HPCAL1: variants seen among roughly 807,000 people sequenced by gnomAD.
HPCAL1 encodes the protein hippocalcin like 1.
HPCAL1 carries 8 observed loss-of-function variants against 17.1 expected under a neutral mutation model. That is an observed-to-expected ratio of 0.47 (90% CI 0.27 to 0.84). The LOEUF (loss-of-function observed/expected upper bound fraction) is 0.84, where lower values mean the gene tolerates loss of function less well. Ranked by LOEUF, HPCAL1 falls within the 40% of genes least tolerant of loss-of-function variation. HPCAL1 has a pLI of 0.13. For missense variants in HPCAL1, 165 were observed against 271.1 expected (o/e 0.61, Z 2.75); for synonymous variants, 112 against 111.4 (o/e 1.01, Z -0.03).
Position 10,367,293 on chromosome 2 carries a change from G to A in HPCAL1, c.-110-29542G>A, listed in dbSNP as rs1233746358. On this transcript the variant is annotated intron_variant, in intron 1 of 4. Coordinates refer to ENST00000307845, the MANE Select transcript of HPCAL1 (RefSeq NM_002149.4). The surrounding 1 kb of genome is among the most constrained non-coding windows in gnomAD (Gnocchi z 4.4). ...AAGGGGGGATTTTGTTGCTGTCGTT[G>A]TTGTTGTTGTTTTGAGACAGAGTCT... Among the ~76,000 whole-genome samples, 3 of 151,742 alleles carry A rather than the reference G, an allele frequency of 2.0e-5. No homozygotes were observed. Among genetic ancestry groups the A allele is most frequent in the South Asian group, 2.1e-4 (1 of 4,818 alleles).
chr2:10,397,883 G>T (rs926175050), intron 2 of HPCAL1, among the ~76,000 whole-genome samples: 7 of 152,198 alleles, frequency 4.6e-5, no homozygotes, highest in African/African-American at 1.7e-4. Flanking sequence ...GTGTAATTCT[G>T]GCTGTGCCTC....
chr2:10,409,382 G>A (rs1005742976), intron 2 of HPCAL1, among the ~76,000 whole-genome samples: 2 of 152,156 alleles, frequency 1.3e-5, no homozygotes, highest in Admixed American at 1.3e-4. Flanking sequence ...CCTGGCAGCC[G>A]GCACAGCCTC....
chr2:10,389,601 C>A (rs946392688), intron 1 of HPCAL1, among the ~76,000 whole-genome samples: 5 of 152,214 alleles, frequency 3.3e-5, no homozygotes, highest in Non-Finnish European at 5.9e-5. Flanking sequence ...ATTGAAGCCA[C>A]CCAGTCTATG....
chr2:10,425,557 G>A (rs1055986802), intron 4 of HPCAL1: 3 of 152,304 alleles, frequency 2.0e-5, no homozygotes, highest in African/African-American at 7.2e-5. Flanking sequence ...TCCTGGTGCT[G>A]GTCTGAGTCC....
intron 1 of HPCAL1, among the ~76,000 whole-genome samples, chr2:10,373,618 A>G (rs185777258): frequency 2.0e-5 from 3 of 152,020 alleles, no homozygotes; most frequent in Admixed American, 6.6e-5. Context: ...TTCTAAGGCA[A>G]GGATGAAAGT....
At chr2:10,334,153 C>T (rs140900918) in intron 1 of HPCAL1, among the ~76,000 whole-genome samples, 320 of 152,284 alleles carry the variant, frequency 2.1e-3, no homozygotes, top group South Asian at 9.7e-3. Flanking sequence ...TGTGCGTAAC[C>T]TTAAACAAAA....
At chr2:10,372,872 G>C (rs1376238265) in intron 1 of HPCAL1, among the ~76,000 whole-genome samples, 1 of 152,240 alleles carries the variant, frequency 6.6e-6, no homozygotes, top group Non-Finnish European at 1.5e-5. Context: ...AGGTGGCCAG[G>C]CTCTGGGTCC....
intron 2 of HPCAL1, among the ~76,000 whole-genome samples, chr2:10,403,149 G>T (rs1395360372): frequency 6.6e-6 from 1 of 152,216 alleles, no homozygotes. Context: ...GCTGAACAAG[G>T]TCCCGGGGAG....
intron 1 of HPCAL1, among the ~76,000 whole-genome samples, chr2:10,378,551 T>A (rs975684582): frequency 6.6e-6 from 1 of 152,138 alleles, no homozygotes; most frequent in African/African-American, 2.4e-5. Flanking sequence ...TCCTGTGGAA[T>A]GAGAGCAAAC....
At chr2:10,334,533 CA>C (rs1664594054) in intron 1 of HPCAL1, among the ~76,000 whole-genome samples, 1 of 150,380 alleles carries the variant, frequency 6.6e-6, no homozygotes. Flanking sequence ...GAAAAGAAAA[CA>C]GAAAGAAATA....
At chr2:10,349,905 C>G (rs976736283) in intron 1 of HPCAL1, among the ~76,000 whole-genome samples, 3 of 151,924 alleles carry the variant, frequency 2.0e-5, no homozygotes, top group African/African-American at 7.3e-5. Flanking sequence ...ACTGTTAATG[C>G]ATTTTCTGAG....
intron 1 of HPCAL1, among the ~76,000 whole-genome samples, chr2:10,319,498 G>A (rs117883723): frequency 0.028 from 4,016 of 144,922 alleles, 76 homozygotes; most frequent in East Asian, 0.11. Context: ...TCAGAGCATC[G>A]ATTTAGCAAG....
At chr2:10,348,477 C>T (rs989507780) in intron 1 of HPCAL1, among the ~76,000 whole-genome samples, 2 of 151,590 alleles carry the variant, frequency 1.3e-5, no homozygotes, top group African/African-American at 2.4e-5. Flanking sequence ...ACAGAAAAAA[C>T]TCTGGGCCAG....
At chr2:10,372,223 T>C (rs1421411284) in intron 1 of HPCAL1, among the ~76,000 whole-genome samples, 3 of 152,150 alleles carry the variant, frequency 2.0e-5, no homozygotes, top group Non-Finnish European at 4.4e-5. Context: ...TCCTGAGCCA[T>C]GGCGAGGAAG....
intron 1 of HPCAL1, among the ~76,000 whole-genome samples, chr2:10,314,893 T>C (rs1310353023): frequency 6.6e-6 from 1 of 152,146 alleles, no homozygotes; most frequent in Non-Finnish European, 1.5e-5. Context: ...ATAGTAGATA[T>C]TAGATAGATT....
At chr2:10,303,963 A>G (rs1482022731) in intron 1 of HPCAL1, 3 of 152,238 alleles carry the variant, frequency 2.0e-5, no homozygotes, top group Non-Finnish European at 4.4e-5. Flanking sequence ...TGTTAATTGG[A>G]TTAGCGTCTC....
At position 10,395,354 on chromosome 2, in the gene HPCAL1, G is replaced by A. The variant is rs1668952708; in HGVS notation, c.-110-1481G>A. 6.6e-6 allele frequency among the ~76,000 whole-genome samples: 1 copy of A among 152,090 alleles called. No homozygotes were observed. Among genetic ancestry groups the A allele is most frequent in the South Asian group, 2.1e-4 (1 of 4,828 alleles). ...CCAATCACACGTGATGCATCTCGGG[G>A]GCATTCATTTGTCAAACATTATTTG... On this transcript the variant is annotated intron_variant, in intron 1 of 4. Transcript: ENST00000307845. This position sits in a 1 kb window ranked among gnomAD's most constrained non-coding sequence, Gnocchi z 4.4.
chr2:10,325,127 C>T (rs950869168), intron 1 of HPCAL1, among the ~76,000 whole-genome samples: 1 of 151,842 alleles, frequency 6.6e-6, no homozygotes, highest in Non-Finnish European at 1.5e-5. Flanking sequence ...GCCACTGTGC[C>T]CAGCCGGGTT....
chr2:10,401,439 C>T (rs556592351), intron 2 of HPCAL1, among the ~76,000 whole-genome samples: 18 of 152,114 alleles, frequency 1.2e-4, no homozygotes, highest in Middle Eastern at 3.4e-3. Context: ...AGAGGGTCTC[C>T]GGGAAACTGG....
Sources: allele counts gnomAD v4.1 joint callset (sites outside exome capture counted in the v4.1 genomes callset), GRCh38; gene constraint gnomAD v4.1.1; non-coding constraint Gnocchi (gnomAD v3.1); transcripts MANE v1.5; gene names NCBI Gene and HGNC (gene_info 2026-07-23, HGNC 2026-07-21).